Variants in HDAC9 observed in about 807,000 individuals in gnomAD.
The protein encoded by HDAC9 is histone deacetylase 9.
Under a neutral mutation model 139.4 loss-of-function variants are expected in HDAC9, and 41 were observed. That is an observed-to-expected ratio of 0.29 (90% CI 0.23 to 0.38). The LOEUF (loss-of-function observed/expected upper bound fraction) is 0.38, where lower values mean the gene tolerates loss of function less well. Among genes scored for constraint, HDAC9 ranks in the 10% least tolerant of loss-of-function variants. The pLI is 1.00. For missense variants in HDAC9, 1,147 were observed against 1,297.0 expected (o/e 0.88, Z 1.78); for synonymous variants, 517 against 476.2 (o/e 1.09, Z -1.12).
chr7:18,873,464 A>G (rs1197880601), intron 21 of HDAC9, among the ~76,000 whole-genome samples: 1 of 152,186 alleles, frequency 6.6e-6, no homozygotes, highest in Non-Finnish European at 1.5e-5. Flanking sequence ...CTTCTTGTTT[A>G]TGATATGCAA....
chr7:18,680,378 T>G (rs925911109), intron 12 of HDAC9, among the ~76,000 whole-genome samples: 1 of 151,954 alleles, frequency 6.6e-6, no homozygotes, highest in African/African-American at 2.4e-5. Flanking sequence ...TCAGAACTAT[T>G]CAGGTTTTGA....
At chr7:18,912,498 A>T (rs1019273208) in intron 22 of HDAC9, among the ~76,000 whole-genome samples, 1 of 152,046 alleles carries the variant, frequency 6.6e-6, no homozygotes, top group African/African-American at 2.4e-5. Flanking sequence ...AAATTAGCCT[A>T]ATTTAGTTGC....
intron 21 of HDAC9, among the ~76,000 whole-genome samples, chr7:18,846,726 C>T (rs1177768699): frequency 6.6e-6 from 1 of 152,102 alleles, no homozygotes; most frequent in East Asian, 1.9e-4. Flanking sequence ...TTTACAAAAG[C>T]TTGAAAATAT....
chr7:18,158,910 A>G (rs1213598707), intron 1 of HDAC9, among the ~76,000 whole-genome samples: 1 of 152,230 alleles, frequency 6.6e-6, no homozygotes. Context: ...TCCGTGCTAC[A>G]TCTGAATATA....
intron 24 of HDAC9, among the ~76,000 whole-genome samples, chr7:18,959,132 G>C (rs1256597732): frequency 6.6e-6 from 1 of 152,120 alleles, no homozygotes; most frequent in African/African-American, 2.4e-5. Flanking sequence ...GTGGGCGCCA[G>C]AGTTCTAAAA....
At chr7:18,362,234 C>T (rs1444772083) in intron 1 of HDAC9, among the ~76,000 whole-genome samples, 2 of 152,180 alleles carry the variant, frequency 1.3e-5, no homozygotes, top group Admixed American at 6.5e-5. Flanking sequence ...ATTTCACTAA[C>T]AGAATTGCAG....
At chr7:18,892,028 G>A (rs756252193) in intron 22 of HDAC9, 3 of 152,076 alleles carry the variant, frequency 2.0e-5, no homozygotes, top group East Asian at 1.9e-4. Flanking sequence ...TTATTTCCAA[G>A]CTCTGATTAC....
chr7:18,423,610 T>A (rs1361593691), intron 1 of HDAC9, among the ~76,000 whole-genome samples: 1 of 152,252 alleles, frequency 6.6e-6, no homozygotes, highest in Non-Finnish European at 1.5e-5. Flanking sequence ...GTCTCTGCTC[T>A]CATGGCATTT....
At chr7:18,559,333 G>A (rs113934985) in intron 2 of HDAC9, among the ~76,000 whole-genome samples, 13 of 152,268 alleles carry the variant, frequency 8.5e-5, no homozygotes, top group African/African-American at 2.9e-4. Context: ...TTGCCCAAGT[G>A]TGTTCAATCA....
chr7:18,153,817 C>T (rs1786969462), intron 1 of HDAC9, among the ~76,000 whole-genome samples: 1 of 152,056 alleles, frequency 6.6e-6, no homozygotes, highest in African/African-American at 2.4e-5. Flanking sequence ...TGGGCAATGG[C>T]CCTGGTGACT....
chr7:18,533,001 C>T (rs1809551257), intron 2 of HDAC9, among the ~76,000 whole-genome samples: 1 of 152,100 alleles, frequency 6.6e-6, no homozygotes. Flanking sequence ...AATATGTACA[C>T]TTTTCTTCTC....
At chr7:18,906,046 ATCCTTTCTTTTCTC>A (rs886176685) in intron 22 of HDAC9, among the ~76,000 whole-genome samples, 1 of 111,760 alleles carries the variant, frequency 8.9e-6, no homozygotes, top group African/African-American at 3.4e-5. Flanking sequence ...TCTCTTTTCT[ATCCTTTCTTTTCTC>A]TCCTTTTGCT....
intron 1 of HDAC9, among the ~76,000 whole-genome samples, chr7:18,428,675 C>A (rs1790347672): frequency 6.6e-6 from 1 of 152,180 alleles, no homozygotes; most frequent in African/African-American, 2.4e-5. Context: ...TTATCCTAAA[C>A]CCAGCAGCCC....
In HDAC9 at chr7:18,124,591, G is replaced by C. The variant is rs145578190; in HGVS notation, c.-97+37378G>C. Among the ~76,000 whole-genome samples the C allele has an allele frequency of 4.9e-3, 744 of 152,266 alleles. 6 individuals are homozygous for C. The highest frequency in any genetic ancestry group is 0.017 in the African/African-American group (720 of 41,550). On this transcript the variant is annotated intron_variant, in intron 1 of 12. Transcript: ENST00000417496. ...TGGTCCTGGTAAAGCTATGGGCGTT[G>C]GTGTAGGGATGGTGTGCACCCGTGA...
In HDAC9 at chr7:18,744,867, A is replaced by G. The variant is rs191067503; in HGVS notation, c.1910-4138A>G. On this transcript the variant is annotated intron_variant, in intron 13 of 25. Transcript: ENST00000686413. ...ATTTCTTGTATGTAAAAAAATATAT[A>G]TATAATACGTATTTTCTACATATAT... Among the ~76,000 whole-genome samples, 90 of 152,254 alleles carry G rather than the reference A, an allele frequency of 5.9e-4. No individual in the cohort carries two copies. The East Asian group carries it at 0.016, about 27-fold the overall frequency.
intron 1 of HDAC9, among the ~76,000 whole-genome samples, chr7:18,326,288 G>T (rs1435943021): frequency 6.6e-6 from 1 of 151,906 alleles, no homozygotes; most frequent in African/African-American, 2.4e-5. Context: ...TTCAAATAAG[G>T]TATGCTTGAA....
chr7:18,736,780 T>G (rs1786950261), intron 13 of HDAC9, among the ~76,000 whole-genome samples: 1 of 152,234 alleles, frequency 6.6e-6, no homozygotes, highest in African/African-American at 2.4e-5. Flanking sequence ...CCTCTTTTTC[T>G]ATTTATTGGA....
At chr7:18,630,246 T>C (rs778111234) in intron 7 of HDAC9, among the ~76,000 whole-genome samples, 10 of 152,118 alleles carry the variant, frequency 6.6e-5, no homozygotes, top group African/African-American at 1.2e-4. Context: ...CTGTATCTAG[T>C]TGTTTCCTTT....
chr7:18,768,830 T>C (rs988318206), intron 16 of HDAC9, among the ~76,000 whole-genome samples: 1 of 152,186 alleles, frequency 6.6e-6, no homozygotes, highest in African/African-American at 2.4e-5. Context: ...AAAAGTGTTA[T>C]ACATTCAGTA....
Sources: gnomAD v4.1 joint callset for allele counts (sites outside exome capture counted in the v4.1 genomes callset) on GRCh38, gnomAD v4.1.1 for gene constraint, MANE v1.5 for transcripts, NCBI Gene and HGNC (gene_info 2026-07-23, HGNC 2026-07-21) for gene names.